The following MKLN1 variants were observed in gnomAD, a reference collection of about 807,000 sequenced individuals.
MKLN1 encodes the protein muskelin 1.
In MKLN1, 18 loss-of-function variants were observed where a neutral mutation model predicts 99.0. The ratio of observed to expected loss-of-function variants is 0.18; its 90% confidence interval spans 0.13 to 0.27. The LOEUF is 0.27. Among genes scored for constraint, MKLN1 ranks in the 10% least tolerant of loss-of-function variants. The probability of loss-of-function intolerance (pLI) is 1.00; values close to 1 mark genes in which losing one functional copy is unlikely to be tolerated. For missense variants in MKLN1, 621 were observed against 875.9 expected, an observed-to-expected ratio of 0.71 and a Z score of 3.67; for synonymous variants, 288 against 293.2, an observed-to-expected ratio of 0.98 and a Z score of 0.18.
At chr7:131,389,033 A>G (rs868175956) in intron 4 of MKLN1, 61 bp downstream of exon 4, 1 of 1,112,542 alleles carries the variant, frequency 9.0e-7, no homozygotes, top group Non-Finnish European at 1.3e-6. Context: ...AGCAAACTAT[A>G]GCCCATAGAC....
intron 1 of MKLN1, among the ~76,000 whole-genome samples, chr7:131,137,290 C>T (rs543376051): frequency 6.6e-6 from 1 of 152,090 alleles, no homozygotes; most frequent in East Asian, 1.9e-4. Flanking sequence ...AAATGTTACC[C>T]CCCAAATTGA....
At chr7:131,484,490 A>G (rs1016068270) in intron 17 of MKLN1, among the ~76,000 whole-genome samples, 6 of 152,202 alleles carry the variant, frequency 3.9e-5, no homozygotes, top group Non-Finnish European at 5.9e-5. Flanking sequence ...AGATTATAAT[A>G]CTTCATTGTT....
intron 3 of MKLN1, among the ~76,000 whole-genome samples, chr7:131,228,469 TAAAG>T (rs1397087168): frequency 6.6e-6 from 1 of 152,180 alleles, no homozygotes; most frequent in Admixed American, 6.5e-5. Context: ...TCAAGAGGAA[TAAAG>T]AAAGGATTTT....
upstream of MKLN1, chr7:131,327,035 T>A (rs778799687): frequency 1.5e-4 from 23 of 152,364 alleles, no homozygotes; most frequent in Admixed American, 1.2e-3. Flanking sequence ...CACCTTTTGT[T>A]GTAAGAAGCT....
chr7:131,240,169 A>G (rs1340323625), intron 3 of MKLN1, among the ~76,000 whole-genome samples: 1 of 152,166 alleles, frequency 6.6e-6, no homozygotes, highest in East Asian at 1.9e-4. Flanking sequence ...TGACAGAGCA[A>G]GATCCTGTCA....
In MKLN1 at chr7:131,443,471, G is replaced by C. The variant is rs199752616; in HGVS notation, c.1174-10G>C. 10 of 1,582,820 alleles carry C rather than the reference G, an allele frequency of 6.3e-6. No homozygotes were observed. The highest frequency in any genetic ancestry group is 8.7e-6 in the Non-Finnish European group (10 of 1,151,664). ...CTAAAACTATTCAATCTGTTGCCTT[G>C]TTCTGATAGATGTGTATGGACTCAG... On this transcript the variant is annotated splice_polypyrimidine_tract_variant and intron_variant, in intron 10 of 17. Coordinates refer to ENST00000352689, the MANE Select transcript of MKLN1 (RefSeq NM_013255.5).
At chr7:131,415,043 G>A (rs984655198) in intron 8 of MKLN1, among the ~76,000 whole-genome samples, 1 of 151,640 alleles carries the variant, frequency 6.6e-6, no homozygotes, top group African/African-American at 2.4e-5. Flanking sequence ...GCTAAGTGTT[G>A]GTAAGTCCAT....
At chr7:131,480,094 G>A (rs1226422561) in intron 17 of MKLN1, among the ~76,000 whole-genome samples, 1 of 151,220 alleles carries the variant, frequency 6.6e-6, no homozygotes, top group African/African-American at 2.4e-5. Flanking sequence ...CTTTACTTGG[G>A]TGAATTTTCA....
At chr7:131,145,025 G>A (rs1001878449) in intron 2 of MKLN1, among the ~76,000 whole-genome samples, 1 of 151,996 alleles carries the variant, frequency 6.6e-6, no homozygotes, top group African/African-American at 2.4e-5. Flanking sequence ...ACAACAAAGA[G>A]GCTGATGCAT....
intron 3 of MKLN1, among the ~76,000 whole-genome samples, chr7:131,304,292 G>C (rs1237851543): frequency 6.6e-6 from 1 of 152,170 alleles, no homozygotes; most frequent in African/African-American, 2.4e-5. Context: ...GATCACCTGA[G>C]CCTAGGAATT....
chr7:131,133,632 G>A (rs1392373665), intron 1 of MKLN1, among the ~76,000 whole-genome samples: 16 of 150,942 alleles, frequency 1.1e-4, no homozygotes, highest in South Asian at 2.1e-4. Flanking sequence ...GATTATAGGC[G>A]TGAGCCACCG....
intron 3 of MKLN1, among the ~76,000 whole-genome samples, chr7:131,320,433 ATAGAT>A (rs776117936): frequency 1.7e-4 from 26 of 152,338 alleles, no homozygotes; most frequent in Non-Finnish European, 3.8e-4. Flanking sequence ...TTAACTCAAG[ATAGAT>A]TAAAGACTTA....
At chr7:131,189,758 G>A (rs780391579) in intron 2 of MKLN1, among the ~76,000 whole-genome samples, 14 of 152,110 alleles carry the variant, frequency 9.2e-5, no homozygotes, top group South Asian at 2.1e-4. Flanking sequence ...TTAGACGCCC[G>A]TTGACTCAGA....
At chr7:131,452,776 C>G (rs933226583) in intron 12 of MKLN1, among the ~76,000 whole-genome samples, 1 of 152,052 alleles carries the variant, frequency 6.6e-6, no homozygotes, top group Non-Finnish European at 1.5e-5. Context: ...GTCTTGATCT[C>G]TTGACCTTGT....
At chr7:131,132,000 C>T (rs879651320) in intron 1 of MKLN1, among the ~76,000 whole-genome samples, 7 of 152,278 alleles carry the variant, frequency 4.6e-5, no homozygotes, top group Admixed American at 2.6e-4. Context: ...AACCAGAATT[C>T]GAATACAGAT....
intron 3 of MKLN1, among the ~76,000 whole-genome samples, chr7:131,291,274 G>C (rs1355792051): frequency 6.6e-6 from 1 of 151,666 alleles, no homozygotes; most frequent in Non-Finnish European, 1.5e-5. Flanking sequence ...GGGATTACAG[G>C]CATGTGTCAC....
At chr7:131,123,711 C>A in intron 1 of MKLN1, among the ~76,000 whole-genome samples, 1 of 151,986 alleles carries the variant, frequency 6.6e-6, no homozygotes, top group Non-Finnish European at 1.5e-5. Flanking sequence ...TTGCTTGAAC[C>A]CAGAAGGCAG....
intron 1 of MKLN1, among the ~76,000 whole-genome samples, chr7:131,348,355 C>G (rs1466023319): frequency 1.3e-5 from 2 of 152,054 alleles, no homozygotes; most frequent in Non-Finnish European, 2.9e-5. Flanking sequence ...TAATCAAGGA[C>G]ACATGTAGAA....
intron 2 of MKLN1, among the ~76,000 whole-genome samples, chr7:131,153,036 T>G (rs2398760): frequency 6.8e-6 from 1 of 146,822 alleles, no homozygotes; most frequent in Admixed American, 6.8e-5. Context: ...TATATATATT[T>G]TTTTTTTTTT....
Sources: gnomAD v4.1 joint callset for allele counts (sites outside exome capture counted in the v4.1 genomes callset) on GRCh38, gnomAD v4.1.1 for gene constraint, MANE v1.5 for transcripts, NCBI Gene and HGNC (gene_info 2026-07-23, HGNC 2026-07-21) for gene names.